MUC7: variants seen among roughly 807,000 people sequenced by gnomAD.
The protein encoded by MUC7 is mucin-7.
In MUC7, 2 loss-of-function variants were observed where a neutral mutation model predicts 2.5. That is an observed-to-expected ratio of 0.81 (90% CI 0.33 to 2.55). MUC7 has a LOEUF of 2.55. MUC7 is among the 30% of genes most tolerant of loss of function. The pLI is 0.11. For missense variants in MUC7, 408 were observed against 455.6 expected, an observed-to-expected ratio of 0.90 and a Z score of 0.95; for synonymous variants, 133 against 173.4, an observed-to-expected ratio of 0.77 and a Z score of 1.83.
At chr4:70,437,469 G>A (rs201741332) in intron 1 of MUC7, among the ~76,000 whole-genome samples, 1 of 152,188 alleles carries the variant, frequency 6.6e-6, no homozygotes, top group Non-Finnish European at 1.5e-5. Flanking sequence ...GTCCCAGGTC[G>A]ATCTCAGACT....
chr4:70,471,464 T>G (rs1321859391), upstream of MUC7, among the ~76,000 whole-genome samples: 1 of 152,208 alleles, frequency 6.6e-6, no homozygotes, highest in Admixed American at 6.5e-5. Flanking sequence ...TATAGGTTGA[T>G]GGTGTTGTGT....
At chr4:70,447,410 T>C (rs1427090357) in intron 1 of MUC7, among the ~76,000 whole-genome samples, 2 of 152,138 alleles carry the variant, frequency 1.3e-5, no homozygotes, top group Admixed American at 6.6e-5. Context: ...GGTAGCTTTA[T>C]ATCATATTAC....
At chr4:70,444,547 A>G (rs190572363) in intron 1 of MUC7, among the ~76,000 whole-genome samples, 12 of 152,240 alleles carry the variant, frequency 7.9e-5, no homozygotes, top group African/African-American at 2.9e-4. Context: ...CAACCTCCCC[A>G]TCTAATACTG....
chr4:70,462,392 A>G (rs1251079599), intron 1 of MUC7, among the ~76,000 whole-genome samples: 1 of 152,246 alleles, frequency 6.6e-6, no homozygotes, highest in Non-Finnish European at 1.5e-5. Flanking sequence ...CACCTTATCC[A>G]TTATAGTTCA....
chr4:70,449,082 T>G (rs1734216945), intron 1 of MUC7, among the ~76,000 whole-genome samples: 1 of 152,206 alleles, frequency 6.6e-6, no homozygotes, highest in South Asian at 2.1e-4. Flanking sequence ...CTTGTGAGTC[T>G]TTGTCTGGTT....
At chr4:70,457,252 G>T (rs1310199871) in intron 1 of MUC7, among the ~76,000 whole-genome samples, 1 of 152,156 alleles carries the variant, frequency 6.6e-6, no homozygotes, top group Non-Finnish European at 1.5e-5. Context: ...AGACAAGCCT[G>T]TACAACATAG....
intron 2 of MUC7, among the ~76,000 whole-genome samples, chr4:70,474,642 A>T (rs1030153379): frequency 7.2e-5 from 11 of 152,208 alleles, no homozygotes; most frequent in African/African-American, 2.7e-4. Flanking sequence ...TATAGAGCAC[A>T]AACTTTATAG....
upstream of MUC7, among the ~76,000 whole-genome samples, chr4:70,471,282 G>T (rs28682429): frequency 6.6e-6 from 1 of 151,894 alleles, no homozygotes; most frequent in South Asian, 2.1e-4. Flanking sequence ...TCACTACCAT[G>T]GGGGAAATGG....
At chr4:70,470,505 T>C (rs138431766), upstream of MUC7, among the ~76,000 whole-genome samples, 61 of 152,344 alleles carry the variant, frequency 4.0e-4, no homozygotes, top group Middle Eastern at 6.8e-3. Flanking sequence ...GATATTCTTA[T>C]ATTTTTCCAA....
upstream of MUC7, among the ~76,000 whole-genome samples, chr4:70,469,012 C>G (rs933801737): frequency 3.3e-5 from 5 of 152,116 alleles, no homozygotes; most frequent in Non-Finnish European, 7.4e-5. Context: ...AACTATACTA[C>G]AAGGCTACAG....
chr4:70,443,408 C>A (rs1172458129), intron 1 of MUC7, among the ~76,000 whole-genome samples: 1 of 151,716 alleles, frequency 6.6e-6, no homozygotes, highest in African/African-American at 2.4e-5. Flanking sequence ...AGTAACTCAA[C>A]CCCCTAACAA....
At chr4:70,444,048 C>T (rs932123854) in intron 1 of MUC7, among the ~76,000 whole-genome samples, 11 of 152,172 alleles carry the variant, frequency 7.2e-5, no homozygotes, top group African/African-American at 2.4e-4. Flanking sequence ...CATCCACAAG[C>T]CTTAAACCAC....
intron 1 of MUC7, among the ~76,000 whole-genome samples, chr4:70,450,008 C>T (rs139089122): frequency 1.3e-3 from 192 of 152,368 alleles, no homozygotes; most frequent in African/African-American, 4.4e-3. Flanking sequence ...GGTGGCAAAG[C>T]CAGCCAGGCC....
At chr4:70,456,131 C>T (rs1311864788) in intron 1 of MUC7, among the ~76,000 whole-genome samples, 3 of 152,120 alleles carry the variant, frequency 2.0e-5, no homozygotes, top group Non-Finnish European at 2.9e-5. Context: ...CTCTTCCAAT[C>T]GCTGCCTGTC....
chr4:70,435,165 G>C (rs1360111515), intron 1 of MUC7, among the ~76,000 whole-genome samples: 2 of 152,210 alleles, frequency 1.3e-5, no homozygotes, highest in African/African-American at 2.4e-5. Flanking sequence ...AAATGGTGCT[G>C]AGAAGAATGT....
chr4:70,471,190 G>T (rs372256239), upstream of MUC7, among the ~76,000 whole-genome samples: 83 of 152,188 alleles, frequency 5.5e-4, 2 homozygotes, highest in South Asian at 0.016. Flanking sequence ...CTATTAAAAT[G>T]ATTCTTAAGT....
chr4:70,452,916 A>G (rs1734314401), intron 1 of MUC7, among the ~76,000 whole-genome samples: 1 of 152,178 alleles, frequency 6.6e-6, no homozygotes, highest in Non-Finnish European at 1.5e-5. Context: ...TGTCTGGGAA[A>G]GTCTCTATTC....
In MUC7 at chr4:70,482,786, C is replaced by G. The variant is rs960087193; in HGVS notation, c.*908C>G. 6.6e-6 allele frequency: 1 copy of G among 152,068 alleles called. No individual in the cohort carries two copies. The highest frequency in any genetic ancestry group is 6.6e-5 in the Admixed American group (1 of 15,262). The allele number at this position is 152,068 out of a possible 1,614,324, so 9.4% of individuals were successfully genotyped here. On this transcript the variant is annotated 3_prime_UTR_variant, in exon 3 of 3. Coordinates refer to ENST00000304887, the MANE Select transcript of MUC7 (RefSeq NM_152291.3). ...CATTTGAATGTATTTTAAACCATGC[C>G]AAACTACTGCTTTAATGTCAAGTTT...
In MUC7 at chr4:70,482,525, T is replaced by C. The variant is rs1475397889; in HGVS notation, c.*647T>C. The stretch of plus-strand genomic sequence containing the variant: ...CTGTCAGCCAAGCACGAACCAAGAC[T>C]GGCACTATTTTTCTTAGTGTATATA... On this transcript the variant is annotated 3_prime_UTR_variant, in exon 3 of 3. Transcript: ENST00000304887. 1 of 152,402 alleles carries C rather than the reference T, an allele frequency of 6.6e-6. No individual in the cohort carries two copies. Among genetic ancestry groups the C allele is most frequent in the Non-Finnish European group, 1.5e-5 (1 of 68,166 alleles). The allele number at this position is 152,402 out of a possible 1,614,324, so 9.4% of individuals were successfully genotyped here. A position where few individuals can be genotyped will look rare whatever the true frequency, so the allele number is the denominator to read the frequency against.
Sources: allele counts gnomAD v4.1 joint callset (sites outside exome capture counted in the v4.1 genomes callset), GRCh38; gene constraint gnomAD v4.1.1; transcripts MANE v1.5; gene names NCBI Gene and HGNC (gene_info 2026-07-23, HGNC 2026-07-21).